The following CFAP47 variants were observed in gnomAD, a reference collection of about 807,000 sequenced individuals.
CFAP47 encodes the protein cilia and flagella associated protein 47, also known as cilia- and flagella-associated protein 47.
CFAP47 carries 29 observed loss-of-function variants against 148.1 expected under a neutral mutation model. That is an observed-to-expected ratio of 0.20 (90% confidence interval 0.15 to 0.27). CFAP47 has a LOEUF of 0.27. Ranked by LOEUF, CFAP47 falls within the 10% of genes least tolerant of loss-of-function variation. The probability of loss-of-function intolerance (pLI) is 1.00; values close to 1 mark genes in which losing one functional copy is unlikely to be tolerated. For synonymous variants in CFAP47, 664 were observed against 577.3 expected, an observed-to-expected ratio of 1.15 and a Z score of -2.15; for missense variants, 1,872 against 1,697.5, an observed-to-expected ratio of 1.10 and a Z score of -1.81.
intron 45 of CFAP47, among the ~76,000 whole-genome samples, chrX:36,217,410 T>C (rs1198710168): frequency 1.8e-5 from 2 of 110,893 alleles, no homozygotes; most frequent in South Asian, 7.7e-4. Context: ...AACTGTGGAA[T>C]TGGCGTCTTT....
At position 35,970,108 on chromosome X, in the gene CFAP47, G is replaced by A. The variant is rs907165791; in HGVS notation, c.1815-660G>A. Among the ~76,000 whole-genome samples, 4 of 91,617 alleles carry A rather than the reference G, an allele frequency of 4.4e-5. No individual in the cohort carries two copies. In the Admixed American group the frequency reaches 5.8e-4, roughly 13 times the overall value. The allele number at this position is 91,617 out of a possible 115,157, so 79.6% of individuals were successfully genotyped here. ...AATTACTGAGGGTGAATATCCTAAT[G>A]ATTAAGAACATTTGCTGAAGATTGA... On this transcript the variant is annotated intron_variant, in intron 10 of 63. Coordinates refer to ENST00000378653, the MANE Select transcript of CFAP47 (RefSeq NM_001304548.2).
chrX:36,153,201 G>A lies in CFAP47; in HGVS notation c.5786+3978G>A, dbSNP rs1002671583. On this transcript the variant is annotated intron_variant, in intron 37 of 63. Coordinates refer to ENST00000378653, the MANE Select transcript of CFAP47 (RefSeq NM_001304548.2). ...TCCAAAATACAATGATGGAATAGGC[G>A]TAGGGTAGACACTTCTACCCTATTC... Among the ~76,000 whole-genome samples, 10 of 112,080 alleles carry A rather than the reference G, an allele frequency of 8.9e-5. No homozygotes were observed. The East Asian group carries it at 1.7e-3, about 19-fold the overall frequency.
chrX:36,184,161 G>A (rs1480406140), intron 40 of CFAP47, among the ~76,000 whole-genome samples: 1 of 111,761 alleles, frequency 8.9e-6, no homozygotes, highest in Non-Finnish European at 1.9e-5. Flanking sequence ...GATTGCTTAA[G>A]AATATTACTA....
In CFAP47 at chrX:35,948,419, C is replaced by A. The variant is rs774944447; in HGVS notation, c.623C>A (p.Ala208Glu). 3 of 1,202,910 alleles carry A rather than the reference C, an allele frequency of 2.5e-6. No homozygotes were observed. Among genetic ancestry groups the A allele is most frequent in the South Asian group, 3.5e-5 (2 of 56,503 alleles). The change falls in exon 4 of 64, where the codon GCA (alanine) becomes GAA (glutamate). Residue 208 changes from alanine (A) to glutamate (E), a missense_variant. Ala to Glu is a moderately radical substitution (Grantham distance 107). Coordinates refer to ENST00000378653, the MANE Select transcript of CFAP47 (RefSeq NM_001304548.2). ...ATGGTTATTAAAGTAGATTTCTGTG[C>A]AGACCAGCCAAGAATTGTAGATGAA... Reference protein sequence around the residue: ...SSMVIKVDFCADQPRIVDEEA... With the variant: ...SSMVIKVDFCEDQPRIVDEEA...
intron 25 of CFAP47, among the ~76,000 whole-genome samples, chrX:36,040,563 T>G (rs1280361422): frequency 1.8e-5 from 2 of 111,473 alleles, no homozygotes; most frequent in Non-Finnish European, 3.8e-5. Flanking sequence ...AATTCAAGTC[T>G]CAAAAATTTT....
intron 63 of CFAP47, among the ~76,000 whole-genome samples, chrX:36,380,496 T>C (rs782524403): frequency 8.9e-6 from 1 of 112,100 alleles, no homozygotes; most frequent in Non-Finnish European, 1.9e-5. Context: ...CAGGCTGGAG[T>C]GCAGTGGCAC....
chrX:36,067,941 G>A (rs1278436432), intron 27 of CFAP47, among the ~76,000 whole-genome samples: 2 of 111,068 alleles, frequency 1.8e-5, no homozygotes, highest in Admixed American at 1.9e-4. Context: ...GTGAGCCACC[G>A]CGCCTGGCCG....
chrX:35,974,065 C>A (rs931489642), intron 13 of CFAP47, among the ~76,000 whole-genome samples: 1 of 111,780 alleles, frequency 8.9e-6, no homozygotes, highest in African/African-American at 3.3e-5. Context: ...AGATAATAAA[C>A]CTTTCCTTAT....
chrX:36,080,297 G>A (rs1937951001), intron 29 of CFAP47, among the ~76,000 whole-genome samples: 1 of 111,609 alleles, frequency 9.0e-6, no homozygotes, highest in Non-Finnish European at 1.9e-5. Context: ...TGGAGAGGAT[G>A]TGGAGAAATA....
At chrX:36,122,562 T>G (rs73472818) in intron 33 of CFAP47, among the ~76,000 whole-genome samples, 4,237 of 111,617 alleles carry the variant, frequency 0.038, 212 homozygotes, top group African/African-American at 0.13. Flanking sequence ...TTCTTTCTTT[T>G]GCTGAACAAT....
chrX:36,240,978 A>G (rs1277636958), intron 48 of CFAP47, among the ~76,000 whole-genome samples: 2 of 111,167 alleles, frequency 1.8e-5, no homozygotes, highest in Non-Finnish European at 3.8e-5. Context: ...CAACATAATT[A>G]GAGCAGATCT....
At chrX:35,981,593 T>C (rs1224209605) in intron 15 of CFAP47, among the ~76,000 whole-genome samples, 1 of 111,064 alleles carries the variant, frequency 9.0e-6, no homozygotes, top group Non-Finnish European at 1.9e-5. Context: ...AATCTGCCTG[T>C]CACATGGATT....
chrX:36,075,699 TTC>T (rs1480971171), intron 29 of CFAP47, among the ~76,000 whole-genome samples: 1 of 111,638 alleles, frequency 9.0e-6, no homozygotes, highest in Non-Finnish European at 1.9e-5. Context: ...TCATGTCTCC[TTC>T]TGTTAGTCCT....
intron 49 of CFAP47, among the ~76,000 whole-genome samples, chrX:36,261,712 C>T (rs1940825902): frequency 9.0e-6 from 1 of 110,925 alleles, no homozygotes; most frequent in Non-Finnish European, 1.9e-5. Flanking sequence ...GTGAAGTCTC[C>T]CATGTCTACT....
chrX:35,924,510 C>CCT (rs1209848713), intron 1 of CFAP47, among the ~76,000 whole-genome samples: 1,782 of 102,711 alleles, frequency 0.017, 51 homozygotes, highest in African/African-American at 0.062. Flanking sequence ...TATAGGTGCA[C>CCT]ATATATGTGT....
At position 36,298,972 on chromosome X, in the gene CFAP47, T is replaced by G; in HGVS notation, c.7687-5T>G. 8.9e-7 allele frequency: 1 copy of G among 1,128,694 alleles called. No individual in the cohort carries two copies. The allele number at this position is 1,128,694 out of a possible 1,213,427, so 93.0% of individuals were successfully genotyped here. A position where few individuals can be genotyped will look rare whatever the true frequency, so the allele number is the denominator to read the frequency against. On this transcript the variant is annotated splice_polypyrimidine_tract_variant and splice_region_variant and intron_variant, in intron 51 of 63. Coordinates refer to ENST00000378653, the MANE Select transcript of CFAP47 (RefSeq NM_001304548.2). Reference sequence around the variant, plus strand: ...GTTGATTACATATTTGTTGTATAATTCTAGGACAGCACTTGCATTGAAATA... The same window carrying G: ...GTTGATTACATATTTGTTGTATAATGCTAGGACAGCACTTGCATTGAAATA...
intron 45 of CFAP47, among the ~76,000 whole-genome samples, chrX:36,208,759 A>C (rs1327442325): frequency 1.8e-5 from 2 of 111,452 alleles, no homozygotes; most frequent in African/African-American, 6.5e-5. Flanking sequence ...TGAAGTCAGG[A>C]GTTTGAGACC....
At position 36,268,839 on chromosome X, in the gene CFAP47, T is replaced by G. The variant is rs782537862; in HGVS notation, c.7445-11648T>G. Among the ~76,000 whole-genome samples the G allele has an allele frequency of 1.2e-4, 13 of 112,171 alleles. No individual in the cohort carries two copies. The Admixed American group carries it at 1.2e-3, about 11-fold the overall frequency. On this transcript the variant is annotated intron_variant, in intron 49 of 63. Transcript: ENST00000378653. ...ACATAAGAATCACAGATACAAGTGT[T>G]TATTGTGAAGTATTTCATTATATAT...
intron 49 of CFAP47, among the ~76,000 whole-genome samples, chrX:36,261,320 CTTTTTTTTTTTT>C (rs143068749): frequency 9.8e-5 from 2 of 20,469 alleles, no homozygotes; most frequent in African/African-American, 2.5e-4. Context: ...AGATACTATT[CTTTTTTTTTTTT>C]TTTTTTTTTT....
Sources: allele counts gnomAD v4.1 joint callset (sites outside exome capture counted in the v4.1 genomes callset), GRCh38; gene constraint gnomAD v4.1.1; transcripts MANE v1.5; gene names NCBI Gene and HGNC (gene_info 2026-07-23, HGNC 2026-07-21).